FANCC: variants seen among roughly 807,000 people sequenced by gnomAD.
FANCC encodes the protein FA complementation group C, also known as Fanconi anemia group C protein.
In FANCC, 55 loss-of-function variants were observed where a neutral mutation model predicts 71.3. The observed-to-expected ratio is 0.77, with a 90% confidence interval of 0.62 to 0.97. FANCC has a LOEUF of 0.97. Among genes scored for constraint, FANCC ranks in the 50% least tolerant of loss-of-function variants. FANCC has a pLI of 0.00. For missense variants in FANCC, 678 were observed against 670.9 expected (o/e 1.01, Z -0.12); for synonymous variants, 275 against 244.9 (o/e 1.12, Z -1.15).
intron 8 of FANCC, among the ~76,000 whole-genome samples, chr9:95,131,058 C>A (rs954795070): frequency 3.3e-5 from 5 of 152,122 alleles, no homozygotes; most frequent in Admixed American, 3.3e-4. Context: ...AAAAATTATT[C>A]TTTCTTTTTA....
intron 4 of FANCC, among the ~76,000 whole-genome samples, chr9:95,221,259 T>C (rs555262721): frequency 6.6e-6 from 1 of 152,122 alleles, no homozygotes; most frequent in Non-Finnish European, 1.5e-5. Context: ...TCTGAAATTA[T>C]GTTCAACGAG....
In FANCC at chr9:95,135,327, A is replaced by G. The variant is rs1231614585; in HGVS notation, c.843+19T>C. On this transcript the variant is annotated intron_variant, in intron 8 of 14. Coordinates refer to ENST00000289081, the MANE Select transcript of FANCC (RefSeq NM_000136.3). ...ATCTCCTTCAAGGATTTTTCCCTTC[A>G]TCAAAACCCAGTACGTACCAGCGAT... 6.2e-7 allele frequency: 1 copy of G among 1,613,032 alleles called. No homozygotes were observed. Among genetic ancestry groups the G allele is most frequent in the East Asian group, 2.2e-5 (1 of 44,872 alleles).
intron 1 of FANCC, among the ~76,000 whole-genome samples, chr9:95,299,148 A>G (rs904379396): frequency 6.6e-6 from 1 of 152,256 alleles, no homozygotes; most frequent in African/African-American, 2.4e-5. Context: ...ACTCTTGCAA[A>G]GCAACAAAAA....
intron 4 of FANCC, among the ~76,000 whole-genome samples, chr9:95,194,777 A>G (rs1827319915): frequency 6.6e-6 from 1 of 152,174 alleles, no homozygotes; most frequent in African/African-American, 2.4e-5. Flanking sequence ...GCTTGCAAAT[A>G]TCTCCTCCCA....
intron 4 of FANCC, among the ~76,000 whole-genome samples, chr9:95,228,572 A>C (rs1210159668): frequency 6.6e-6 from 1 of 152,234 alleles, no homozygotes; most frequent in Non-Finnish European, 1.5e-5. Flanking sequence ...AGGTCTCTGC[A>C]CTCATGGAAC....
chr9:95,277,117 A>C (rs185359964), intron 1 of FANCC, among the ~76,000 whole-genome samples: 12 of 152,306 alleles, frequency 7.9e-5, no homozygotes, highest in Admixed American at 7.2e-4. Context: ...ATTTCAATTC[A>C]ATTTTTCTGA....
intron 1 of FANCC, among the ~76,000 whole-genome samples, chr9:95,299,871 G>GCA (rs369395366): frequency 7.9e-4 from 120 of 151,350 alleles, no homozygotes; most frequent in Middle Eastern, 6.8e-3. Flanking sequence ...AAATGCATGC[G>GCA]CACACACACA....
chr9:95,270,389 AC>A (rs1382160995), intron 1 of FANCC, among the ~76,000 whole-genome samples: 4 of 152,222 alleles, frequency 2.6e-5, no homozygotes, highest in Non-Finnish European at 4.4e-5. Context: ...GAGATCAGCC[AC>A]CCGAGAACTG....
At chr9:95,311,744 T>TGTGTGTGA (rs371454385) in intron 1 of FANCC, among the ~76,000 whole-genome samples, 1 of 150,880 alleles carries the variant, frequency 6.6e-6, no homozygotes, top group Non-Finnish European at 1.5e-5. Flanking sequence ...TGTGTGTGTG[T>TGTGTGTGA]GAAAAACCGC....
intron 4 of FANCC, among the ~76,000 whole-genome samples, chr9:95,188,431 C>A (rs1302210523): frequency 6.6e-6 from 1 of 152,178 alleles, no homozygotes; most frequent in Non-Finnish European, 1.5e-5. Context: ...CCAGCACCAT[C>A]ATTGCCCCTA....
chr9:95,234,920 G>T (rs547335165), intron 4 of FANCC, among the ~76,000 whole-genome samples: 1 of 152,312 alleles, frequency 6.6e-6, no homozygotes, highest in East Asian at 1.9e-4. Flanking sequence ...TTACTCGGGA[G>T]CATCAGCCTT....
chr9:95,162,351 C>T (rs550784428), intron 6 of FANCC, among the ~76,000 whole-genome samples: 4 of 152,256 alleles, frequency 2.6e-5, no homozygotes, highest in South Asian at 2.1e-4. Flanking sequence ...TTTATTCATT[C>T]GTCCGCTGAT....
intron 6 of FANCC, among the ~76,000 whole-genome samples, chr9:95,168,586 A>G (rs1268231477): frequency 6.6e-6 from 1 of 152,256 alleles, no homozygotes; most frequent in African/African-American, 2.4e-5. Context: ...GCTGGAGTGC[A>G]GTGATGCAAT....
chr9:95,294,663 G>A, intron 1 of FANCC: 1 of 1,589,818 alleles, frequency 6.3e-7, no homozygotes, highest in Admixed American at 1.7e-5. Context: ...TTGAAACCCT[G>A]GGGAGCTTGT....
At chr9:95,224,249 G>C (rs1829467576) in intron 4 of FANCC, among the ~76,000 whole-genome samples, 1 of 152,092 alleles carries the variant, frequency 6.6e-6, no homozygotes, top group East Asian at 1.9e-4. Flanking sequence ...ACAGATTCTA[G>C]AGCTAAAAAG....
chr9:95,202,902 T>A (rs919439125), intron 4 of FANCC, among the ~76,000 whole-genome samples: 1 of 152,166 alleles, frequency 6.6e-6, no homozygotes, highest in African/African-American at 2.4e-5. Context: ...ATGAATGGCA[T>A]GAGATCACAT....
intron 4 of FANCC, among the ~76,000 whole-genome samples, chr9:95,233,621 A>T (rs765223471): frequency 3.9e-5 from 6 of 152,140 alleles, no homozygotes; most frequent in Non-Finnish European, 7.3e-5. Flanking sequence ...TGATATGTGG[A>T]TGCAAAAATG....
At chr9:95,210,963 C>T (rs1828457835) in intron 4 of FANCC, among the ~76,000 whole-genome samples, 1 of 152,174 alleles carries the variant, frequency 6.6e-6, no homozygotes, top group South Asian at 2.1e-4. Context: ...TATATACTAA[C>T]CTCTAACACT....
At chr9:95,310,596 G>C (rs994348629) in intron 1 of FANCC, among the ~76,000 whole-genome samples, 1 of 152,126 alleles carries the variant, frequency 6.6e-6, no homozygotes, top group Non-Finnish European at 1.5e-5. Context: ...ATTCAGACTG[G>C]ACTTGCTTGA....
Sources: gnomAD v4.1 joint callset for allele counts (sites outside exome capture counted in the v4.1 genomes callset) on GRCh38, gnomAD v4.1.1 for gene constraint, MANE v1.5 for transcripts, NCBI Gene and HGNC (gene_info 2026-07-23, HGNC 2026-07-21) for gene names.